The following SPATA16 variants were observed in gnomAD, a reference collection of about 807,000 sequenced individuals.
SPATA16 encodes spermatogenesis-associated protein 16.
Under a neutral mutation model 63.3 loss-of-function variants are expected in SPATA16, and 36 were observed. The observed-to-expected ratio is 0.57, with a 90% CI of 0.44 to 0.75. The LOEUF is 0.75. SPATA16 is among the 30% of genes least tolerant of loss of function. The pLI, the probability that SPATA16 is intolerant of heterozygous loss-of-function variation, is 0.00. For missense variants in SPATA16, 646 were observed against 679.3 expected, an observed-to-expected ratio of 0.95 and a Z score of 0.54; for synonymous variants, 203 against 216.7, an observed-to-expected ratio of 0.94 and a Z score of 0.56.
In SPATA16 at chr3:173,058,219, T is replaced by C. The variant is rs1245635506; in HGVS notation, c.613-9125A>G. On this transcript the variant is annotated intron_variant, in intron 2 of 10. Transcript: ENST00000351008. ...ATGAACATTTTCATGTTAATAAATA[T>C]ATATATCATTATTATAAGTGGCTGC... Among the ~76,000 whole-genome samples the C allele has an allele frequency of 3.3e-5, 5 of 152,124 alleles. No individual in the cohort carries two copies. The East Asian group carries it at 9.6e-4, about 29-fold the overall frequency.
intron 1 of SPATA16, among the ~76,000 whole-genome samples, chr3:173,128,328 A>G (rs1444443198): frequency 6.6e-6 from 1 of 152,134 alleles, no homozygotes; most frequent in Non-Finnish European, 1.5e-5. Flanking sequence ...TTTTCTTAAG[A>G]ATTTATTAAT....
At chr3:173,080,555 G>A (rs1736900761) in intron 2 of SPATA16, among the ~76,000 whole-genome samples, 1 of 152,186 alleles carries the variant, frequency 6.6e-6, no homozygotes, top group African/African-American at 2.4e-5. Context: ...GCCCAGTGGA[G>A]CAGTATGAGG....
At position 172,924,339 on chromosome 3, in the gene SPATA16, T is replaced by C. The variant is rs914755644; in HGVS notation, c.1229-22A>G. On this transcript the variant is annotated intron_variant, in intron 7 of 10. Transcript: ENST00000351008. ...TGCTCTAAAAATTGTAACAATAAAC[T>C]TTTATACTATTTTCTCCAGACTTCC... The C allele has an allele frequency of 7.7e-6, 12 of 1,551,682 alleles. No individual in the cohort carries two copies. In the Middle Eastern group the frequency reaches 5.0e-4, roughly 65 times the overall value.
chr3:173,091,240 A>G (rs2108319501), intron 2 of SPATA16, among the ~76,000 whole-genome samples: 1 of 152,310 alleles, frequency 6.6e-6, no homozygotes, highest in South Asian at 2.1e-4. Flanking sequence ...GCTTTAACTT[A>G]GTAGACTAAT....
intron 2 of SPATA16, among the ~76,000 whole-genome samples, chr3:173,079,427 T>C (rs1345231914): frequency 6.6e-6 from 1 of 152,292 alleles, no homozygotes; most frequent in Non-Finnish European, 1.5e-5. Context: ...AAAAATCCTA[T>C]GATTATTGCT....
intron 1 of SPATA16, among the ~76,000 whole-genome samples, chr3:173,119,025 T>C (rs1014260560): frequency 3.9e-5 from 6 of 152,172 alleles, no homozygotes; most frequent in African/African-American, 1.2e-4. Flanking sequence ...CATTTGTTTG[T>C]TTGGAAGACA....
At chr3:173,019,823 A>T (rs928976791) in intron 3 of SPATA16, among the ~76,000 whole-genome samples, 2 of 152,236 alleles carry the variant, frequency 1.3e-5, no homozygotes, top group Non-Finnish European at 1.5e-5. Flanking sequence ...TTTTACAGAT[A>T]TGACAATGGC....
intron 5 of SPATA16, among the ~76,000 whole-genome samples, chr3:172,965,681 G>T (rs1733901978): frequency 6.6e-6 from 1 of 151,810 alleles, no homozygotes; most frequent in African/African-American, 2.4e-5. Flanking sequence ...CACCAGGCTG[G>T]AGTGCAATGG....
intron 1 of SPATA16, among the ~76,000 whole-genome samples, chr3:173,130,682 C>G (rs1738357143): frequency 6.6e-6 from 1 of 152,316 alleles, no homozygotes; most frequent in Middle Eastern, 3.4e-3. Flanking sequence ...CACTTCCCAT[C>G]ATAAACAGCT....
chr3:172,989,393 A>T (rs1449081674), intron 4 of SPATA16, among the ~76,000 whole-genome samples: 1 of 152,178 alleles, frequency 6.6e-6, no homozygotes, highest in Non-Finnish European at 1.5e-5. Flanking sequence ...TTCGTGTTTC[A>T]TTGGAAGGTG....
chr3:172,954,966 AGTTTG>A (rs1733536298), intron 6 of SPATA16, among the ~76,000 whole-genome samples: 1 of 152,196 alleles, frequency 6.6e-6, no homozygotes, highest in Admixed American at 6.6e-5. Flanking sequence ...ATACTCTAGC[AGTTTG>A]TAATTATAAG....
intron 3 of SPATA16, among the ~76,000 whole-genome samples, chr3:173,047,057 A>G (rs1031174155): frequency 2.0e-5 from 3 of 151,948 alleles, no homozygotes; most frequent in Non-Finnish European, 2.9e-5. Context: ...CAAGGTCTTG[A>G]AAAAGCATTC....
intron 10 of SPATA16, among the ~76,000 whole-genome samples, chr3:172,907,493 ACT>A (rs1228126439): frequency 6.7e-6 from 1 of 149,900 alleles, no homozygotes; most frequent in Non-Finnish European, 1.5e-5. Context: ...ATCTCTTACT[ACT>A]CTCATTCATT....
At chr3:173,035,346 C>T (rs764213474) in intron 3 of SPATA16, among the ~76,000 whole-genome samples, 12 of 151,854 alleles carry the variant, frequency 7.9e-5, no homozygotes, top group Admixed American at 1.3e-4. Context: ...GAAAGAAATC[C>T]GAAGAAAGTG....
intron 2 of SPATA16, among the ~76,000 whole-genome samples, chr3:173,065,370 A>G (rs1202659866): frequency 6.6e-6 from 1 of 152,130 alleles, no homozygotes; most frequent in African/African-American, 2.4e-5. Flanking sequence ...TTCAAATGGT[A>G]CTGACATCTG....
intron 2 of SPATA16, among the ~76,000 whole-genome samples, chr3:173,066,597 T>G (rs7644272): frequency 0.23 from 35,711 of 152,150 alleles, 5,641 homozygotes; most frequent in African/African-American, 0.46. Flanking sequence ...AGTCCTGGGC[T>G]TAGGGCACTA....
intron 4 of SPATA16, among the ~76,000 whole-genome samples, chr3:173,011,212 A>G (rs1735067605): frequency 6.6e-6 from 1 of 152,226 alleles, no homozygotes; most frequent in East Asian, 1.9e-4. Context: ...TTAATTCACC[A>G]TAATAAAGTA....
chr3:173,059,084 G>A (rs751222996), intron 2 of SPATA16, among the ~76,000 whole-genome samples: 4 of 152,032 alleles, frequency 2.6e-5, no homozygotes, highest in Non-Finnish European at 5.9e-5. Flanking sequence ...CATTCAGAAT[G>A]CCTGTGTGCT....
chr3:173,082,672 A>C (rs1294762554), intron 2 of SPATA16, among the ~76,000 whole-genome samples: 1 of 152,202 alleles, frequency 6.6e-6, no homozygotes, highest in East Asian at 1.9e-4. Flanking sequence ...TGTGGGCTCC[A>C]GATGGGCATG....
Sources: allele counts gnomAD v4.1 joint callset (sites outside exome capture counted in the v4.1 genomes callset), GRCh38; gene constraint gnomAD v4.1.1; transcripts MANE v1.5; gene names NCBI Gene and HGNC (gene_info 2026-07-23, HGNC 2026-07-21).